The following CNTLN variants were observed in gnomAD, a reference collection of about 807,000 sequenced individuals.
CNTLN encodes the protein centlein, centrosomal protein.
CNTLN carries 212 observed loss-of-function variants against 180.0 expected under a neutral mutation model. The observed-to-expected ratio is 1.18, with a 90% CI of 1.05 to 1.32. The LOEUF (loss-of-function observed/expected upper bound fraction) is 1.32, where lower values mean the gene tolerates loss of function less well. CNTLN is among the 40% of genes most tolerant of loss of function. The probability of loss-of-function intolerance (pLI) is 0.00; values close to 1 mark genes in which losing one functional copy is unlikely to be tolerated. For missense variants in CNTLN, 2,095 were observed against 1,610.9 expected (o/e 1.30, Z -5.14); for synonymous variants, 722 against 563.1 (o/e 1.28, Z -3.99).
intron 5 of CNTLN, among the ~76,000 whole-genome samples, chr9:17,269,371 C>T (rs1827768875): frequency 6.6e-6 from 1 of 152,034 alleles, no homozygotes; most frequent in Non-Finnish European, 1.5e-5. Context: ...GATTTTTCTT[C>T]CTTTTTAATG....
intron 8 of CNTLN, among the ~76,000 whole-genome samples, chr9:17,328,946 G>T (rs1274595414): frequency 6.6e-6 from 1 of 151,802 alleles, no homozygotes; most frequent in Non-Finnish European, 1.5e-5. Flanking sequence ...TATAGTGACA[G>T]TATCCACTGT....
At chr9:17,439,215 A>C (rs1288096368) in intron 18 of CNTLN, among the ~76,000 whole-genome samples, 1 of 152,202 alleles carries the variant, frequency 6.6e-6, no homozygotes, top group Non-Finnish European at 1.5e-5. Flanking sequence ...AGTACTTTTA[A>C]GTAATGCTGA....
chr9:17,451,339 T>C (rs1482265927), intron 18 of CNTLN, among the ~76,000 whole-genome samples: 1 of 152,230 alleles, frequency 6.6e-6, no homozygotes, highest in Non-Finnish European at 1.5e-5. Context: ...AATTGCTGCC[T>C]GTACTTAATT....
intron 2 of CNTLN, among the ~76,000 whole-genome samples, chr9:17,156,852 G>GA (rs2131557343): frequency 1.3e-5 from 2 of 152,284 alleles, no homozygotes; most frequent in East Asian, 3.9e-4. Context: ...AAATAGAATT[G>GA]AAAGCACTCT....
chr9:17,406,602 C>A (rs1158868073), intron 15 of CNTLN, among the ~76,000 whole-genome samples: 1 of 151,688 alleles, frequency 6.6e-6, no homozygotes, highest in Non-Finnish European at 1.5e-5. Context: ...TTATCTTGCT[C>A]ATTTTTTCCC....
intron 2 of CNTLN, among the ~76,000 whole-genome samples, chr9:17,146,296 C>G (rs1210005353): frequency 6.6e-6 from 1 of 152,042 alleles, no homozygotes; most frequent in African/African-American, 2.4e-5. Flanking sequence ...TCTCTCTTAT[C>G]TCATGTTTTC....
chr9:17,151,830 A>G (rs968796232), intron 2 of CNTLN, among the ~76,000 whole-genome samples: 6 of 152,038 alleles, frequency 3.9e-5, no homozygotes, highest in Admixed American at 3.3e-4. Context: ...TACTGTCTCA[A>G]TTTCAGAACT....
chr9:17,403,936 C>T (rs994698642), intron 15 of CNTLN, among the ~76,000 whole-genome samples: 5 of 151,550 alleles, frequency 3.3e-5, no homozygotes, highest in African/African-American at 4.9e-5. Flanking sequence ...CCACAACACC[C>T]GGCTAATTTT....
chr9:17,451,018 A>T (rs1456140535), intron 18 of CNTLN, among the ~76,000 whole-genome samples: 1 of 152,178 alleles, frequency 6.6e-6, no homozygotes, highest in East Asian at 1.9e-4. Context: ...ATAGAAAATG[A>T]TAGCATTGTC....
At chr9:17,484,193 G>A (rs1185934577) in intron 23 of CNTLN, 102 bp from the exon 24 acceptor site, 13 of 908,782 alleles carry the variant, frequency 1.4e-5, no homozygotes, top group Non-Finnish European at 2.2e-5. Flanking sequence ...AGTAATCCTA[G>A]TAAAAAAATG....
rs76969855 is a variant in CNTLN, at chr9:17,324,700, G to A, written c.1342-5932G>A. On this transcript the variant is annotated intron_variant, in intron 8 of 25. Coordinates refer to ENST00000380647, the MANE Select transcript of CNTLN (RefSeq NM_017738.4). ...AGTATAATTGGGTTGTAACCCACTC[G>A]GTGTTAAGTTTTATTTGGTATATGG... Among the ~76,000 whole-genome samples the A allele has an allele frequency of 0.018, 2,726 of 152,118 alleles. 160 individuals carry two copies. In the East Asian group the frequency reaches 0.23, roughly 13 times the overall value.
intron 2 of CNTLN, among the ~76,000 whole-genome samples, chr9:17,223,273 G>GA (rs1824260392): frequency 6.6e-6 from 1 of 152,032 alleles, no homozygotes; most frequent in Admixed American, 6.6e-5. Flanking sequence ...GCTGGTAACT[G>GA]AAGCCATGGA....
At chr9:17,256,636 A>T (rs1416097168) in intron 5 of CNTLN, among the ~76,000 whole-genome samples, 1 of 151,662 alleles carries the variant, frequency 6.6e-6, no homozygotes, top group South Asian at 2.1e-4. Context: ...TCATTCTGTA[A>T]GGCAGAATGT....
chr9:17,383,669 G>T lies in CNTLN; in HGVS notation c.1988-4493G>T, dbSNP rs556767838. Among the ~76,000 whole-genome samples, 53 of 151,172 alleles carry T rather than the reference G, an allele frequency of 3.5e-4. No individual in the cohort carries two copies. The East Asian group carries it at 3.9e-3, about 11-fold the overall frequency. On this transcript the variant is annotated intron_variant, in intron 13 of 25. Transcript: ENST00000380647. ...TTTTTTTTTTTTGAGATGGAGCCTT[G>T]TTCTGTCACCCAGGCTGGAGTGCAG... is the stretch of plus-strand genomic sequence containing the variant.
chr9:17,227,997 G>A (rs889637768), intron 3 of CNTLN, among the ~76,000 whole-genome samples: 57 of 152,108 alleles, frequency 3.7e-4, no homozygotes, highest in Admixed American at 9.8e-4. Flanking sequence ...GACATCATTT[G>A]TATTTACATT....
chr9:17,151,345 T>C (rs1378235580), intron 2 of CNTLN, among the ~76,000 whole-genome samples: 3 of 152,228 alleles, frequency 2.0e-5, no homozygotes, highest in Non-Finnish European at 4.4e-5. Flanking sequence ...TATTGAGAGT[T>C]TTTGGCATGA....
At chr9:17,160,063 C>G (rs1350106397) in intron 2 of CNTLN, among the ~76,000 whole-genome samples, 1 of 152,146 alleles carries the variant, frequency 6.6e-6, no homozygotes, top group Admixed American at 6.5e-5. Context: ...AATTCACTGA[C>G]TTTAGAAGTT....
intron 14 of CNTLN, among the ~76,000 whole-genome samples, chr9:17,389,569 G>C (rs1024061745): frequency 1.2e-5 from 1 of 80,180 alleles, no homozygotes; most frequent in Non-Finnish European, 2.9e-5. Flanking sequence ...TGTATGTCAA[G>C]TTGGTATACT....
In CNTLN at chr9:17,465,969, C is replaced by T. The variant is rs761899661; in HGVS notation, c.3532-12C>T. The T allele has an allele frequency of 6.3e-6, 10 of 1,590,204 alleles. No individual in the cohort carries two copies. The highest frequency in any genetic ancestry group is 1.7e-4 in the Middle Eastern group (1 of 5,926). The stretch of plus-strand genomic sequence containing the variant: ...TTCAACAATAATAATTACCTTTATG[C>T]TTTTAATGTAGGTAAAGACATTAAC... On this transcript the variant is annotated splice_polypyrimidine_tract_variant and intron_variant, in intron 21 of 25. Transcript: ENST00000380647.
Sources: gnomAD v4.1 joint callset for allele counts (sites outside exome capture counted in the v4.1 genomes callset) on GRCh38, gnomAD v4.1.1 for gene constraint, MANE v1.5 for transcripts, NCBI Gene and HGNC (gene_info 2026-07-23, HGNC 2026-07-21) for gene names.